Variants in KCNIP4 observed in about 807,000 individuals in gnomAD.
KCNIP4 encodes Kv channel-interacting protein 4.
In KCNIP4, 12 loss-of-function variants were observed where a neutral mutation model predicts 34.0. That is an observed-to-expected ratio of 0.35 (90% CI 0.23 to 0.57). KCNIP4 has a LOEUF of 0.57. Ranked by LOEUF, KCNIP4 falls within the 20% of genes least tolerant of loss-of-function variation. KCNIP4 has a pLI of 0.83. For synonymous variants in KCNIP4, 124 were observed against 102.2 expected, an observed-to-expected ratio of 1.21 and a Z score of -1.29; for missense variants, 238 against 311.7, an observed-to-expected ratio of 0.76 and a Z score of 1.78.
intron 1 of KCNIP4, among the ~76,000 whole-genome samples, chr4:21,728,407 C>T (rs758474157): frequency 3.3e-5 from 5 of 152,164 alleles, no homozygotes; most frequent in Non-Finnish European, 7.3e-5. Flanking sequence ...CTTCCCACCA[C>T]TGCCACCCCA....
At position 21,142,688 on chromosome 4, in the gene KCNIP4, C is replaced by T. The variant is rs187137065; in HGVS notation, c.62-259979G>A. On this transcript the variant is annotated intron_variant, in intron 1 of 8. Transcript: ENST00000382152. Reference sequence around the variant, plus strand: ...TCCTGCCAGCATCTCTTCACCTTGTCGTGCTTTCAGAGCAGGAACTGACGC... The same window carrying T: ...TCCTGCCAGCATCTCTTCACCTTGTTGTGCTTTCAGAGCAGGAACTGACGC... Among the ~76,000 whole-genome samples, 200 of 152,250 alleles carry T rather than the reference C, an allele frequency of 1.3e-3. 1 individual carries two copies. Among genetic ancestry groups the T allele is most frequent in the African/African-American group, 4.5e-3 (185 of 41,546 alleles).
rs1412324416 is a variant in KCNIP4 at position 21,552,284 on chromosome 4, T to G, written c.61+396287A>C. Among the ~76,000 whole-genome samples, 3 of 152,238 alleles carry G rather than the reference T, an allele frequency of 2.0e-5. No homozygotes were observed. In the East Asian group the frequency reaches 5.8e-4, roughly 29 times the overall value. ...AACCTACAGACACAAGATCTTGAAA[T>G]GAAACTGTTGATTAATTTATTTACT... On this transcript the variant is annotated intron_variant, in intron 1 of 8. Coordinates refer to ENST00000382152, the MANE Select transcript of KCNIP4 (RefSeq NM_025221.6).
At chr4:21,016,322 G>A (rs1485232825) in intron 1 of KCNIP4, among the ~76,000 whole-genome samples, 4 of 145,406 alleles carry the variant, frequency 2.8e-5, no homozygotes, top group East Asian at 2.0e-4. Flanking sequence ...TTTTTGAGAC[G>A]GAGTCTAGCT....
rs994051556 is a variant in KCNIP4, at chr4:21,519,628, A to G, written c.61+428943T>C. Reference sequence around the variant, plus strand: ...CACATATGTGTGTGTATGTATGTGTATATACACAAATGTGTGTGTATGTAT... The same window carrying G: ...CACATATGTGTGTGTATGTATGTGTGTATACACAAATGTGTGTGTATGTAT... On this transcript the variant is annotated intron_variant, in intron 1 of 8. Transcript: ENST00000382152. Among the ~76,000 whole-genome samples, 16 of 132,554 alleles carry G rather than the reference A, an allele frequency of 1.2e-4. 1 individual carries two copies. Among genetic ancestry groups the G allele is most frequent in the African/African-American group, 3.3e-4 (12 of 36,608 alleles). The allele number at this position is 132,554 out of a possible 152,430, so 87.0% of individuals were successfully genotyped here.
intron 3 of KCNIP4, among the ~76,000 whole-genome samples, chr4:20,800,769 G>C (rs768305821): frequency 2.0e-5 from 3 of 152,126 alleles, no homozygotes; most frequent in Admixed American, 6.6e-5. Flanking sequence ...AAAGAGTGAA[G>C]ATATTCTTTG....
chr4:21,861,656 C>A (rs867796709), intron 1 of KCNIP4, among the ~76,000 whole-genome samples: 141 of 101,264 alleles, frequency 1.4e-3, no homozygotes, highest in African/African-American at 3.3e-3. Context: ...GACTCCGTCT[C>A]AAAAAAAAAA....
chr4:21,550,686 G>A (rs1224298558), intron 1 of KCNIP4, among the ~76,000 whole-genome samples: 1 of 152,026 alleles, frequency 6.6e-6, no homozygotes, highest in African/African-American at 2.4e-5. Context: ...AAATAAAGCT[G>A]CATATTGCTA....
At chr4:21,283,491 C>T (rs1213421846) in intron 1 of KCNIP4, among the ~76,000 whole-genome samples, 1 of 151,616 alleles carries the variant, frequency 6.6e-6, no homozygotes, top group Non-Finnish European at 1.5e-5. Context: ...TTTCATATAT[C>T]ATAGATCTTT....
intron 1 of KCNIP4, among the ~76,000 whole-genome samples, chr4:21,894,654 C>G (rs996658029): frequency 3.3e-5 from 5 of 152,156 alleles, no homozygotes; most frequent in Admixed American, 6.5e-5. Context: ...AATTTACATT[C>G]TGATTAGTGT....
chr4:21,448,124 T>A lies in KCNIP4; in HGVS notation c.61+500447A>T, dbSNP rs528883716. On this transcript the variant is annotated intron_variant, in intron 1 of 8. Coordinates refer to ENST00000382152, the MANE Select transcript of KCNIP4 (RefSeq NM_025221.6). ...AAGTAGCTTTGGAATTGAGAAACTG[T>A]TGGAGGCTGGAAGCATTTTGAGAAG... Among the ~76,000 whole-genome samples, 5 of 152,196 alleles carry A rather than the reference T, an allele frequency of 3.3e-5. No individual in the cohort carries two copies. The South Asian group carries it at 1.0e-3, about 32-fold the overall frequency.
chr4:20,853,098 C>G (rs544989513), intron 2 of KCNIP4, among the ~76,000 whole-genome samples: 3 of 152,250 alleles, frequency 2.0e-5, no homozygotes, highest in Admixed American at 2.0e-4. Context: ...CCACAGAATA[C>G]CATGATTATT....
At chr4:21,349,984 T>C (rs141699333) in intron 1 of KCNIP4, among the ~76,000 whole-genome samples, 1 of 152,216 alleles carries the variant, frequency 6.6e-6, no homozygotes, top group Non-Finnish European at 1.5e-5. Context: ...ACTAGAGTTA[T>C]GAGCAATGCC....
chr4:21,570,840 C>T (rs1446858398), intron 1 of KCNIP4, among the ~76,000 whole-genome samples: 1 of 151,930 alleles, frequency 6.6e-6, no homozygotes, highest in Non-Finnish European at 1.5e-5. Context: ...CACATCGAAC[C>T]CTCCAAACAA....
chr4:21,512,798 G>A (rs1734444461), intron 1 of KCNIP4, among the ~76,000 whole-genome samples: 1 of 152,112 alleles, frequency 6.6e-6, no homozygotes, highest in Non-Finnish European at 1.5e-5. Context: ...ATTTCTTTTG[G>A]ACTGAATAAA....
At chr4:21,339,567 G>C (rs1716531041) in intron 1 of KCNIP4, among the ~76,000 whole-genome samples, 1 of 152,152 alleles carries the variant, frequency 6.6e-6, no homozygotes. Context: ...ACCTAACTAT[G>C]GGATCTGAAG....
intron 1 of KCNIP4, among the ~76,000 whole-genome samples, chr4:21,413,625 A>G (rs189717740): frequency 5.9e-5 from 9 of 152,272 alleles, no homozygotes; most frequent in Admixed American, 4.6e-4. Flanking sequence ...CCAGCACACT[A>G]TGAGTTCAGT....
At chr4:21,936,654 T>C (rs897717760) in intron 1 of KCNIP4, among the ~76,000 whole-genome samples, 3 of 152,056 alleles carry the variant, frequency 2.0e-5, no homozygotes, top group Non-Finnish European at 2.9e-5. Context: ...AGAGAGGCCA[T>C]GTGGCTTCTC....
chr4:21,666,263 A>G (rs1748951355), intron 1 of KCNIP4, among the ~76,000 whole-genome samples: 1 of 152,246 alleles, frequency 6.6e-6, no homozygotes, highest in East Asian at 1.9e-4. Flanking sequence ...ATGAGAAGAT[A>G]TATGATACTT....
intron 1 of KCNIP4, among the ~76,000 whole-genome samples, chr4:21,085,612 T>C (rs10022535): frequency 0.21 from 32,009 of 152,144 alleles, 3,545 homozygotes; most frequent in African/African-American, 0.25. Flanking sequence ...TGGTCAAGGC[T>C]GCTGCTCTAT....
Sources: gnomAD v4.1 joint callset for allele counts (sites outside exome capture counted in the v4.1 genomes callset) on GRCh38, gnomAD v4.1.1 for gene constraint, MANE v1.5 for transcripts, NCBI Gene and HGNC (gene_info 2026-07-23, HGNC 2026-07-21) for gene names.